Variants in ZNF827 observed in about 807,000 individuals in gnomAD.
ZNF827 encodes zinc finger protein 827.
In ZNF827, 13 loss-of-function variants were observed where a neutral mutation model predicts 102.4. The ratio of observed to expected loss-of-function variants is 0.13; its 90% CI spans 0.08 to 0.20. The LOEUF is 0.20. Among genes scored for constraint, ZNF827 ranks in the 10% least tolerant of loss-of-function variants. The pLI, the probability that ZNF827 is intolerant of heterozygous loss-of-function variation, is 1.00. For missense variants in ZNF827, 1,103 were observed against 1,344.4 expected, an observed-to-expected ratio of 0.82 and a Z score of 2.81; for synonymous variants, 523 against 536.2, an observed-to-expected ratio of 0.98 and a Z score of 0.34.
chr4:145,848,016 G>A (rs550161982), intron 6 of ZNF827, among the ~76,000 whole-genome samples: 1 of 152,182 alleles, frequency 6.6e-6, no homozygotes, highest in Non-Finnish European at 1.5e-5. Flanking sequence ...CAGCGCCAGG[G>A]TGAGAACTCT....
At chr4:145,874,043 C>T (rs1748937157) in intron 4 of ZNF827, among the ~76,000 whole-genome samples, 1 of 151,700 alleles carries the variant, frequency 6.6e-6, no homozygotes, top group South Asian at 2.1e-4. Flanking sequence ...ACTATTGAGG[C>T]CCCAGGAGCA....
At chr4:145,826,062 T>A (rs1396942039) in intron 7 of ZNF827, among the ~76,000 whole-genome samples, 1 of 152,196 alleles carries the variant, frequency 6.6e-6, no homozygotes, top group Non-Finnish European at 1.5e-5. Flanking sequence ...TAACAGGGAA[T>A]CGGTCTCAGA....
intron 11 of ZNF827, among the ~76,000 whole-genome samples, chr4:145,774,084 A>C (rs1736676189): frequency 6.6e-6 from 1 of 151,910 alleles, no homozygotes; most frequent in Non-Finnish European, 1.5e-5. Flanking sequence ...GGAATATCTC[A>C]CCTCTGTTAA....
At chr4:145,903,949 C>A (rs1022182366) in intron 1 of ZNF827, among the ~76,000 whole-genome samples, 1 of 152,172 alleles carries the variant, frequency 6.6e-6, no homozygotes, top group Non-Finnish European at 1.5e-5. Flanking sequence ...TTTGAGGGTC[C>A]TCAACTCCAG....
At chr4:145,795,199 G>C (rs1740251907) in intron 8 of ZNF827, among the ~76,000 whole-genome samples, 2 of 152,344 alleles carry the variant, frequency 1.3e-5, no homozygotes, top group East Asian at 3.9e-4. Flanking sequence ...CCAGGGTGGA[G>C]TGTAGTGGCA....
At chr4:145,769,222 A>G (rs952844549) in intron 11 of ZNF827, among the ~76,000 whole-genome samples, 4 of 151,656 alleles carry the variant, frequency 2.6e-5, no homozygotes, top group Non-Finnish European at 5.9e-5. Context: ...CATGAGGAGC[A>G]ATGGTATATG....
intron 5 of ZNF827, among the ~76,000 whole-genome samples, chr4:145,856,677 A>G (rs1747135689): frequency 1.6e-5 from 2 of 125,424 alleles, no homozygotes; most frequent in African/African-American, 6.3e-5. Flanking sequence ...CCTCCAGTAC[A>G]CACATACACA....
chr4:145,884,266 C>T (rs926515083), intron 4 of ZNF827, among the ~76,000 whole-genome samples: 9 of 152,186 alleles, frequency 5.9e-5, no homozygotes, highest in South Asian at 2.1e-4. Flanking sequence ...GTGTCTCCCA[C>T]TCCTGAGGAG....
chr4:145,849,248 TA>T lies in ZNF827; in HGVS notation c.2221+73del, dbSNP rs201772793. The T allele has an allele frequency of 9.8e-5, 133 of 1,354,968 alleles. 1 individual carries two copies. Among genetic ancestry groups the T allele is most frequent in the African/African-American group, 1.3e-4 (9 of 67,240 alleles). The allele number at this position is 1,354,968 out of a possible 1,614,324, so 83.9% of individuals were successfully genotyped here. The stretch of plus-strand genomic sequence containing the variant: ...ATCCTATAATTCAGGTTTTTTTTTT[TA>T]AAAAAAACTGTGTTAGAAGGGTTTT... On this transcript the variant is annotated intron_variant, in intron 6 of 14. Coordinates refer to ENST00000508784, the MANE Select transcript of ZNF827 (RefSeq NM_001306215.2).
chr4:145,829,453 G>A (rs933134230), intron 7 of ZNF827, among the ~76,000 whole-genome samples: 1 of 152,086 alleles, frequency 6.6e-6, no homozygotes, highest in Non-Finnish European at 1.5e-5. Context: ...AAAAGTACTC[G>A]ATTATCATAT....
intron 10 of ZNF827, 106 bp downstream of exon 10, chr4:145,775,683 G>T: frequency 7.3e-7 from 1 of 1,368,700 alleles, no homozygotes; most frequent in South Asian, 1.3e-5. Context: ...GCCAGGCTAT[G>T]ACTGAGAAAA....
chr4:145,760,837 G>A lies in ZNF827; in HGVS notation c.*779C>T. The A allele has an allele frequency of 1.7e-6, 2 of 1,205,552 alleles. No individual in the cohort carries two copies. The highest frequency in any genetic ancestry group is 1.6e-5 in the African/African-American group (1 of 63,036). 74.7% of individuals were successfully genotyped at this position (1,205,552 alleles called of 1,614,324 possible). On this transcript the variant is annotated 3_prime_UTR_variant, in exon 15 of 15. Coordinates refer to ENST00000508784, the MANE Select transcript of ZNF827 (RefSeq NM_001306215.2). ...ATAGGCCAGGAAGGAGTGTTTGGGT[G>A]AGGGGATGCTGGGAGGCGCAGTCTG... is the stretch of plus-strand genomic sequence containing the variant.
chr4:145,925,702 C>G (rs138154978), intron 1 of ZNF827, among the ~76,000 whole-genome samples: 1 of 152,188 alleles, frequency 6.6e-6, no homozygotes, highest in Non-Finnish European at 1.5e-5. Flanking sequence ...TAGTGAAAGA[C>G]GTGTTCCCCT....
chr4:145,837,830 C>T (rs201351195), intron 7 of ZNF827, among the ~76,000 whole-genome samples: 140 of 146,944 alleles, frequency 9.5e-4, no homozygotes, highest in East Asian at 4.9e-3. Flanking sequence ...TCATTCTATA[C>T]GACAAATGTT....
At chr4:145,807,089 G>T (rs1741524029) in intron 8 of ZNF827, among the ~76,000 whole-genome samples, 1 of 152,032 alleles carries the variant, frequency 6.6e-6, no homozygotes, top group Non-Finnish European at 1.5e-5. Context: ...TAACTTACAG[G>T]ATGTGTAACT....
chr4:145,848,687 C>A (rs1027333413), intron 6 of ZNF827, among the ~76,000 whole-genome samples: 3 of 152,180 alleles, frequency 2.0e-5, no homozygotes, highest in Non-Finnish European at 4.4e-5. Context: ...AAAGAGATGA[C>A]AGAAGGAACA....
chr4:145,822,208 T>C (rs1232308288), intron 8 of ZNF827, among the ~76,000 whole-genome samples: 3 of 152,192 alleles, frequency 2.0e-5, no homozygotes, highest in Admixed American at 2.0e-4. Context: ...GGTGTTTGAA[T>C]AGAAAAGCCC....
At chr4:145,899,000 G>A (rs1273470304) in intron 2 of ZNF827, among the ~76,000 whole-genome samples, 1 of 152,008 alleles carries the variant, frequency 6.6e-6, no homozygotes, top group Non-Finnish European at 1.5e-5. Context: ...CCTGAAATCA[G>A]GATGGTGTGT....
rs377673974 is a variant in ZNF827, at chr4:145,870,383, A to C, written c.1843T>G (p.Tyr615Asp). Residue 615 changes from tyrosine (Y) to aspartate (D), a missense_variant, in exon 5 of 15, where the codon TAT (tyrosine) becomes GAT (aspartate). Physicochemically the swap from Tyr to Asp is radical, Grantham distance 160. This residue lies in a region of ZNF827 where 243 missense variants were observed against 251.6 expected (regional missense o/e 0.97). Coordinates refer to ENST00000508784, the MANE Select transcript of ZNF827 (RefSeq NM_001306215.2). Reference sequence around the variant, plus strand: ...ACTTCAGATTCCGGGCTGAACACATAGCTGGACCGAGGCAAAGTCGTGCTT... The same window carrying C: ...ACTTCAGATTCCGGGCTGAACACATCGCTGGACCGAGGCAAAGTCGTGCTT... Reference protein sequence around the residue: ...SLSTTLPRSSYVFSPESEVSA... With the variant: ...SLSTTLPRSSDVFSPESEVSA... The C allele has an allele frequency of 1.1e-5, 18 of 1,614,084 alleles. No individual in the cohort carries two copies. Among genetic ancestry groups the C allele is most frequent in the Non-Finnish European group, 1.5e-5 (18 of 1,180,016 alleles).
Sources: allele counts gnomAD v4.1 joint callset (sites outside exome capture counted in the v4.1 genomes callset), GRCh38; gene constraint gnomAD v4.1.1; regional missense constraint gnomAD v4.1.1; transcripts MANE v1.5; gene names NCBI Gene and HGNC (gene_info 2026-07-23, HGNC 2026-07-21).